CORIN: variants seen among roughly 807,000 people sequenced by gnomAD.
CORIN encodes the protein corin, serine peptidase.
Under a neutral mutation model 125.3 loss-of-function variants are expected in CORIN, and 117 were observed. The ratio of observed to expected loss-of-function variants is 0.93; its 90% CI spans 0.80 to 1.09. CORIN has a LOEUF of 1.09. Ranked by LOEUF, CORIN falls within the 50% of genes least tolerant of loss-of-function variation. CORIN has a pLI of 0.00. For synonymous variants in CORIN, 450 were observed against 466.4 expected, an observed-to-expected ratio of 0.96 and a Z score of 0.45; for missense variants, 1,253 against 1,306.7, an observed-to-expected ratio of 0.96 and a Z score of 0.63.
In CORIN at chr4:47,777,597, C is replaced by T. The variant is rs1730358099; in HGVS notation, c.409+9128G>A. On this transcript the variant is annotated intron_variant, in intron 3 of 21. Transcript: ENST00000273857. ...AGTGTGCCAAGATCGCGCCATTGCA[C>T]TCCAGCCTGGGTGACAGAGCAAGAC... is the stretch of plus-strand genomic sequence containing the variant. Among the ~76,000 whole-genome samples, 3 of 152,190 alleles carry T rather than the reference C, an allele frequency of 2.0e-5. No individual in the cohort carries two copies. In the South Asian group the frequency reaches 6.2e-4, roughly 32 times the overall value.
chr4:47,631,385 G>A (rs902221830), intron 16 of CORIN, among the ~76,000 whole-genome samples: 6 of 152,038 alleles, frequency 3.9e-5, no homozygotes, highest in Admixed American at 1.3e-4. Flanking sequence ...TCCAATTAGT[G>A]GCCTTAGATT....
chr4:47,788,256 A>G (rs1162618311), intron 2 of CORIN, among the ~76,000 whole-genome samples: 1 of 152,218 alleles, frequency 6.6e-6, no homozygotes, highest in African/African-American at 2.4e-5. Context: ...TAAAAGAAAC[A>G]TAAATAAAAT....
At chr4:47,837,438 A>G (rs1470323916) in intron 1 of CORIN, 2 of 244,092 alleles carry the variant, frequency 8.2e-6, no homozygotes, top group Non-Finnish European at 1.6e-5. Context: ...GCCGGCGCAG[A>G]CAGGAAGCTG....
intron 5 of CORIN, among the ~76,000 whole-genome samples, chr4:47,702,547 T>A (rs1726352182): frequency 6.6e-6 from 1 of 152,206 alleles, no homozygotes; most frequent in African/African-American, 2.4e-5. Context: ...GGCTATACTG[T>A]ACAAATTGAA....
At chr4:47,731,279 T>TTG (rs146864792) in intron 5 of CORIN, among the ~76,000 whole-genome samples, 235 of 151,792 alleles carry the variant, frequency 1.5e-3, no homozygotes, top group African/African-American at 5.5e-3. Flanking sequence ...GAAGGCAAAT[T>TTG]TGTGTGTGTG....
At chr4:47,657,945 T>C (rs1394235555) in intron 12 of CORIN, among the ~76,000 whole-genome samples, 1 of 152,194 alleles carries the variant, frequency 6.6e-6, no homozygotes, top group Non-Finnish European at 1.5e-5. Flanking sequence ...CCAAATCTCA[T>C]GTCTTTCTCA....
intron 16 of CORIN, among the ~76,000 whole-genome samples, chr4:47,627,550 T>A (rs1178354297): frequency 6.6e-6 from 1 of 152,170 alleles, no homozygotes; most frequent in Non-Finnish European, 1.5e-5. Flanking sequence ...GAATTGACTG[T>A]TAGATTACCG....
chr4:47,786,840 A>G lies in CORIN; in HGVS notation c.294T>C (p.Leu98=). ...DGEIQGSDVI[L]TNTIYNQSTV... is the part of the protein sequence containing the mutation. ...TGCTCTGGTTATAAATTGTATTTGT[A>G]AGAATAACATCGGACCCTTGGATTT... Residue 98 remains leucine (L), a synonymous_variant, in exon 3 of 22, where the codon CTT becomes CTC. Coordinates refer to ENST00000273857, the MANE Select transcript of CORIN (RefSeq NM_006587.4). 6.2e-7 allele frequency: 1 copy of G among 1,614,010 alleles called. No homozygotes were observed. Among genetic ancestry groups the G allele is most frequent in the Admixed American group, 1.7e-5 (1 of 60,020 alleles).
At chr4:47,686,783 C>T (rs1372194721) in intron 6 of CORIN, among the ~76,000 whole-genome samples, 1 of 152,156 alleles carries the variant, frequency 6.6e-6, no homozygotes, top group African/African-American at 2.4e-5. Context: ...GGATGGGGGA[C>T]AGTGTTTCAG....
intron 16 of CORIN, among the ~76,000 whole-genome samples, chr4:47,632,766 G>C (rs1407921676): frequency 1.6e-5 from 1 of 63,408 alleles, no homozygotes; most frequent in Non-Finnish European, 3.3e-5. Context: ...TAGATAGATA[G>C]AGATAGATAG....
intron 1 of CORIN, among the ~76,000 whole-genome samples, chr4:47,807,604 C>A (rs1731849859): frequency 6.6e-6 from 1 of 152,186 alleles, no homozygotes; most frequent in Admixed American, 6.5e-5. Context: ...AAGGAGGAGC[C>A]TGCCTGATTG....
At chr4:47,753,982 T>C (rs750283847) in intron 4 of CORIN, among the ~76,000 whole-genome samples, 2 of 152,208 alleles carry the variant, frequency 1.3e-5, no homozygotes, top group Admixed American at 6.5e-5. Flanking sequence ...GGTCCCTCCA[T>C]TCAGGGTCCC....
chr4:47,746,921 G>C (rs149568509), intron 4 of CORIN, among the ~76,000 whole-genome samples: 1 of 152,264 alleles, frequency 6.6e-6, no homozygotes, highest in African/African-American at 2.4e-5. Context: ...GCCTACAAAT[G>C]TGCATTGAAT....
intron 3 of CORIN, among the ~76,000 whole-genome samples, chr4:47,773,086 A>C (rs1245906208): frequency 6.6e-6 from 1 of 152,210 alleles, no homozygotes; most frequent in African/African-American, 2.4e-5. Flanking sequence ...AGTCTCTACT[A>C]TACAAAGGCA....
At chr4:47,661,633 TA>T in intron 12 of CORIN, 77 bp downstream of exon 12, 1 of 1,319,012 alleles carries the variant, frequency 7.6e-7, no homozygotes. Flanking sequence ...CAAGAAGCCA[TA>T]AATAGAAGAA....
chr4:47,807,666 C>G, intron 1 of CORIN, among the ~76,000 whole-genome samples: 1 of 152,192 alleles, frequency 6.6e-6, no homozygotes, highest in African/African-American at 2.4e-5. Flanking sequence ...CATGCTACCC[C>G]TGCAGCCCAT....
At chr4:47,797,870 A>G (rs529340257) in intron 2 of CORIN, among the ~76,000 whole-genome samples, 2 of 152,264 alleles carry the variant, frequency 1.3e-5, no homozygotes, top group East Asian at 3.9e-4. Context: ...TCCCATGTCT[A>G]GTAAATGGAA....
At chr4:47,799,538 T>C (rs1731447888) in intron 2 of CORIN, among the ~76,000 whole-genome samples, 1 of 152,140 alleles carries the variant, frequency 6.6e-6, no homozygotes, top group Admixed American at 6.5e-5. Context: ...TTTTCATATG[T>C]TTGTTGGACA....
chr4:47,802,825 G>C (rs1009993028), intron 2 of CORIN, among the ~76,000 whole-genome samples: 1 of 152,138 alleles, frequency 6.6e-6, no homozygotes, highest in African/African-American at 2.4e-5. Flanking sequence ...TGTTGTGCTG[G>C]CTTCAAGTCT....
Sources: gnomAD v4.1 joint callset for allele counts (sites outside exome capture counted in the v4.1 genomes callset) on GRCh38, gnomAD v4.1.1 for gene constraint, MANE v1.5 for transcripts, NCBI Gene and HGNC (gene_info 2026-07-23, HGNC 2026-07-21) for gene names.